Variants in VAV3 observed in about 807,000 individuals in gnomAD.
VAV3 encodes guanine nucleotide exchange factor VAV3.
In VAV3, 94 loss-of-function variants were observed where a neutral mutation model predicts 131.2. The ratio of observed to expected loss-of-function variants is 0.72; its 90% CI spans 0.61 to 0.85. The LOEUF (loss-of-function observed/expected upper bound fraction) is 0.85, where lower values mean the gene tolerates loss of function less well. Ranked by LOEUF, VAV3 falls within the 40% of genes least tolerant of loss-of-function variation. VAV3 has a pLI of 0.00. For missense variants in VAV3, 939 were observed against 1,002.7 expected (o/e 0.94, Z 0.86); for synonymous variants, 349 against 342.0 (o/e 1.02, Z -0.22).
At chr1:107,752,327 A>G (rs576799373) in intron 12 of VAV3, among the ~76,000 whole-genome samples, 2 of 152,244 alleles carry the variant, frequency 1.3e-5, no homozygotes, top group South Asian at 2.1e-4. Context: ...CTTACACCAT[A>G]AATAAAGAAT....
At chr1:107,868,988 C>A (rs967099521) in intron 2 of VAV3, among the ~76,000 whole-genome samples, 13 of 152,318 alleles carry the variant, frequency 8.5e-5, no homozygotes, top group African/African-American at 3.1e-4. Context: ...TCCCTCTGAA[C>A]TGGGTCCATT....
chr1:107,610,590 T>C (rs909379282), intron 21 of VAV3, among the ~76,000 whole-genome samples: 2 of 152,098 alleles, frequency 1.3e-5, no homozygotes, highest in African/African-American at 4.8e-5. Context: ...TAAGAACCTT[T>C]TATTCAGAAA....
intron 19 of VAV3, among the ~76,000 whole-genome samples, chr1:107,674,771 C>A (rs1161430796): frequency 6.6e-6 from 1 of 152,116 alleles, no homozygotes; most frequent in Non-Finnish European, 1.5e-5. Flanking sequence ...TGTGGGTAGC[C>A]AAAAGAATAT....
chr1:107,642,081 G>A lies in VAV3; in HGVS notation c.1914+538C>T, dbSNP rs149500335. Among the ~76,000 whole-genome samples the A allele has an allele frequency of 1.8e-3, 278 of 152,234 alleles. 1 individual carries two copies. Among genetic ancestry groups the A allele is most frequent in the African/African-American group, 6.3e-3 (263 of 41,536 alleles). ...CTGTAATTCGGATAGTGTCAGAGGC[G>A]TGTGAACCAGAGCAACTCCATCTTA... On this transcript the variant is annotated intron_variant, in intron 20 of 26. Coordinates refer to ENST00000370056, the MANE Select transcript of VAV3 (RefSeq NM_006113.5).
intron 20 of VAV3, among the ~76,000 whole-genome samples, chr1:107,640,282 C>T (rs766254287): frequency 1.3e-5 from 2 of 151,858 alleles, no homozygotes; most frequent in South Asian, 2.1e-4. Context: ...CGATAATCAG[C>T]GATAAAAAGA....
At chr1:107,573,410 T>C in intron 26 of VAV3, 38 bp from the exon 27 acceptor site, 2 of 1,612,242 alleles carry the variant, frequency 1.2e-6, no homozygotes, top group African/African-American at 1.3e-5. Context: ...AACATGACTT[T>C]GTATCTGACA....
intron 1 of VAV3, among the ~76,000 whole-genome samples, chr1:107,948,311 C>T (rs952943927): frequency 8.0e-6 from 1 of 124,620 alleles, no homozygotes; most frequent in African/African-American, 2.7e-5. Context: ...TGAAGTACTT[C>T]CTGATATTGT....
At chr1:107,874,753 G>C in intron 2 of VAV3, 148 bp downstream of exon 2, 1 of 603,520 alleles carries the variant, frequency 1.7e-6, no homozygotes, top group South Asian at 2.7e-5. Context: ...TTTGGTTTTT[G>C]GTTTTGCTAA....
chr1:107,667,548 C>T lies in VAV3; in HGVS notation c.1777+15940G>A, dbSNP rs79688416. Among the ~76,000 whole-genome samples the T allele has an allele frequency of 9.0e-3, 1,362 of 152,142 alleles. 21 individuals are homozygous for T. The highest frequency in any genetic ancestry group is 0.031 in the African/African-American group (1,285 of 41,516). ...AATGAATTTATGATAAGGTTTATTG[C>T]TATCATTAGTGATGGTTTCGCTGAT... is the stretch of plus-strand genomic sequence containing the variant. On this transcript the variant is annotated intron_variant, in intron 19 of 26. Transcript: ENST00000370056.
chr1:107,928,393 A>C (rs1673261411), intron 1 of VAV3, among the ~76,000 whole-genome samples: 1 of 152,236 alleles, frequency 6.6e-6, no homozygotes, highest in Non-Finnish European at 1.5e-5. Context: ...GGAAAACATG[A>C]CCTCACCTAA....
intron 1 of VAV3, among the ~76,000 whole-genome samples, chr1:107,952,076 T>C (rs1674562964): frequency 1.3e-5 from 2 of 152,138 alleles, no homozygotes; most frequent in South Asian, 4.1e-4. Context: ...AACCTAAATG[T>C]CCATCAGTGA....
At chr1:107,657,833 G>A (rs1321868172) in intron 19 of VAV3, among the ~76,000 whole-genome samples, 1 of 152,148 alleles carries the variant, frequency 6.6e-6, no homozygotes, top group African/African-American at 2.4e-5. Flanking sequence ...ATTTTCAGGT[G>A]CTTCACTGGT....
chr1:107,824,270 G>A (rs775496093), intron 2 of VAV3, among the ~76,000 whole-genome samples: 2 of 152,150 alleles, frequency 1.3e-5, no homozygotes, highest in East Asian at 1.9e-4. Context: ...ACATAGCGTC[G>A]CTATTTCAAG....
At chr1:107,835,455 G>C (rs1027676619) in intron 2 of VAV3, among the ~76,000 whole-genome samples, 2 of 152,148 alleles carry the variant, frequency 1.3e-5, no homozygotes, top group African/African-American at 4.8e-5. Context: ...ACTGAGAAGA[G>C]TGAGATGTGC....
At chr1:107,817,903 C>T (rs1048516458) in intron 2 of VAV3, among the ~76,000 whole-genome samples, 1 of 152,172 alleles carries the variant, frequency 6.6e-6, no homozygotes, top group African/African-American at 2.4e-5. Context: ...GCTCTCTGGA[C>T]TCAACTTCAC....
intron 19 of VAV3, among the ~76,000 whole-genome samples, chr1:107,658,302 T>C (rs752980421): frequency 6.6e-6 from 1 of 152,246 alleles, no homozygotes; most frequent in Non-Finnish European, 1.5e-5. Context: ...GGCTGCATAG[T>C]ATTCCACGGT....
chr1:107,956,576 A>C (rs989117512), intron 1 of VAV3, among the ~76,000 whole-genome samples: 1 of 152,218 alleles, frequency 6.6e-6, no homozygotes, highest in Admixed American at 6.5e-5. Context: ...AATGAGAATG[A>C]GGGCAAATAA....
chr1:107,752,842 T>C (rs912616384), intron 12 of VAV3, among the ~76,000 whole-genome samples: 9 of 152,136 alleles, frequency 5.9e-5, no homozygotes, highest in African/African-American at 2.2e-4. Flanking sequence ...CCCTTGTGCA[T>C]TGGTAGTAGG....
chr1:107,636,497 C>T (rs1159879355), intron 20 of VAV3, among the ~76,000 whole-genome samples: 1 of 152,156 alleles, frequency 6.6e-6, no homozygotes, highest in Non-Finnish European at 1.5e-5. Flanking sequence ...GCATTTAATA[C>T]ACCTACTGTA....
Sources: allele counts gnomAD v4.1 joint callset (sites outside exome capture counted in the v4.1 genomes callset), GRCh38; gene constraint gnomAD v4.1.1; transcripts MANE v1.5; gene names NCBI Gene and HGNC (gene_info 2026-07-23, HGNC 2026-07-21).